PCDHGA5: variants seen among roughly 807,000 people sequenced by gnomAD.
PCDHGA5 encodes protocadherin gamma-A5.
PCDHGA5 carries 36 observed loss-of-function variants against 56.7 expected under a neutral mutation model. That is an observed-to-expected ratio of 0.64 (90% confidence interval 0.49 to 0.84). The LOEUF is 0.84. Ranked by LOEUF, PCDHGA5 falls within the 40% of genes least tolerant of loss-of-function variation. The probability of loss-of-function intolerance (pLI) is 0.00; values close to 1 mark genes in which losing one functional copy is unlikely to be tolerated. For missense variants in PCDHGA5, 1,305 were observed against 1,201.5 expected (o/e 1.09, Z -1.27); for synonymous variants, 563 against 520.2 (o/e 1.08, Z -1.12).
chr5:141,481,502 T>G (rs1425241526), intron 1 of PCDHGA5, among the ~76,000 whole-genome samples: 1 of 152,232 alleles, frequency 6.6e-6, no homozygotes, highest in Non-Finnish European at 1.5e-5. Context: ...TTGCATGGTA[T>G]GTGAATTATG....
intron 1 of PCDHGA5, chr5:141,393,601 C>T (rs1392489335): frequency 8.1e-6 from 13 of 1,613,812 alleles, no homozygotes; most frequent in Non-Finnish European, 1.1e-5. Flanking sequence ...CGGCTGCTTA[C>T]TGTAACAGCC....
rs201378410 is a variant in PCDHGA5, at chr5:141,414,802, G to T, written c.2421+48051G>T. Reference sequence around the variant, plus strand: ...GCAGGTGACAGCCAGCGACAGCGGGGATCCTCCACTCAGCAGCAACGTGTC... The same window carrying T: ...GCAGGTGACAGCCAGCGACAGCGGGTATCCTCCACTCAGCAGCAACGTGTC... On this transcript the variant is annotated intron_variant, in intron 1 of 3. Coordinates refer to ENST00000518069, the MANE Select transcript of PCDHGA5 (RefSeq NM_018918.3). The T allele has an allele frequency of 4.3e-6, 7 of 1,614,226 alleles. No homozygotes were observed. The African/African-American group carries it at 8.0e-5, about 18-fold the overall frequency.
intron 1 of PCDHGA5, chr5:141,427,815 G>A: frequency 6.5e-7 from 1 of 1,527,760 alleles, no homozygotes; most frequent in Non-Finnish European, 9.0e-7. Context: ...ACAGAGCGGG[G>A]TGGTGGTCGC....
intron 2 of PCDHGA5, among the ~76,000 whole-genome samples, chr5:141,495,407 C>T: frequency 6.6e-6 from 1 of 152,218 alleles, no homozygotes; most frequent in East Asian, 1.9e-4. Flanking sequence ...AGGCCCCCTT[C>T]TCCGGCCCCT....
intron 1 of PCDHGA5, chr5:141,427,507 T>A: frequency 1.7e-6 from 1 of 584,928 alleles, no homozygotes; most frequent in Non-Finnish European, 3.2e-6. Context: ...GATGGGACCC[T>A]GGATTGGGAG....
At chr5:141,372,234 C>A in intron 1 of PCDHGA5, 1 of 1,613,350 alleles carries the variant, frequency 6.2e-7, no homozygotes. Context: ...GGCCAGCGAG[C>A]CCGGGCTGTT....
intron 1 of PCDHGA5, chr5:141,388,833 T>G (rs761698912): frequency 6.2e-7 from 1 of 1,613,838 alleles, no homozygotes; most frequent in Non-Finnish European, 8.5e-7. Context: ...TTCCATAGTT[T>G]TGGAAGCAAG....
chr5:141,420,496 G>T, intron 1 of PCDHGA5: 1 of 495,924 alleles, frequency 2.0e-6, no homozygotes, highest in Non-Finnish European at 3.1e-6. Context: ...GTAATCTCCG[G>T]TGACATTTTT....
chr5:141,472,307 C>T (rs949288194), intron 1 of PCDHGA5, among the ~76,000 whole-genome samples: 2 of 150,368 alleles, frequency 1.3e-5, no homozygotes, highest in Admixed American at 6.6e-5. Flanking sequence ...TTTGGGAAGC[C>T]GAGGCAGGCA....
chr5:141,399,750 C>A, intron 1 of PCDHGA5: 1 of 1,613,330 alleles, frequency 6.2e-7, no homozygotes, highest in Non-Finnish European at 8.5e-7. Flanking sequence ...TCAGCGCAAA[C>A]GTGAGCCTGC....
At chr5:141,413,844 C>A in intron 1 of PCDHGA5, 2 of 1,613,254 alleles carry the variant, frequency 1.2e-6, no homozygotes, top group Non-Finnish European at 1.7e-6. Context: ...ACGGGGGTGA[C>A]CCTCTCCGAT....
intron 1 of PCDHGA5, chr5:141,374,981 G>A (rs761282613): frequency 6.2e-7 from 1 of 1,614,036 alleles, no homozygotes; most frequent in Non-Finnish European, 8.5e-7. Context: ...TTTGACTGGA[G>A]AAATTTCAAC....
At chr5:141,421,370 A>G (rs765775416) in intron 1 of PCDHGA5, 4 of 1,613,916 alleles carry the variant, frequency 2.5e-6, no homozygotes, top group African/African-American at 1.3e-5. Flanking sequence ...TTCGTGGGCA[A>G]TATCTCCAAG....
At chr5:141,472,980 CAAA>C (rs60579131) in intron 1 of PCDHGA5, among the ~76,000 whole-genome samples, 10 of 86,092 alleles carry the variant, frequency 1.2e-4, no homozygotes, top group Non-Finnish European at 1.2e-4. Context: ...GAGTGAAACT[CAAA>C]AAAAAAAAAA....
intron 1 of PCDHGA5, among the ~76,000 whole-genome samples, chr5:141,439,270 A>G (rs1381185021): frequency 6.6e-6 from 1 of 152,140 alleles, no homozygotes; most frequent in African/African-American, 2.4e-5. Flanking sequence ...CCAACAGTTC[A>G]TTCTGAGACT....
At position 141,512,348 on chromosome 5, in the gene PCDHGA5, G is replaced by C. The variant is rs1172891268; in HGVS notation, c.*1175G>C. 4 of 152,886 alleles carry C rather than the reference G, an allele frequency of 2.6e-5. No homozygotes were observed. The highest frequency in any genetic ancestry group is 9.6e-5 in the African/African-American group (4 of 41,462). The allele number at this position is 152,886 out of a possible 1,614,324, so 9.5% of individuals were successfully genotyped here. A position where few individuals can be genotyped will look rare whatever the true frequency, so the allele number is the denominator to read the frequency against. ...GGCCATTCTTAGTCCCTGGGTTGGG[G>C]AGGCAGGGAGCTAGGGCAGGGACCA... On this transcript the variant is annotated 3_prime_UTR_variant, in exon 4 of 4. Transcript: ENST00000518069.
intron 1 of PCDHGA5, among the ~76,000 whole-genome samples, chr5:141,435,590 A>G (rs1005651004): frequency 3.3e-5 from 5 of 152,210 alleles, no homozygotes; most frequent in African/African-American, 7.2e-5. Context: ...TTGCAGTAAT[A>G]TCGCCTGCTT....
intron 2 of PCDHGA5, among the ~76,000 whole-genome samples, chr5:141,503,994 A>C (rs1330628079): frequency 6.6e-6 from 1 of 152,158 alleles, no homozygotes; most frequent in Non-Finnish European, 1.5e-5. Context: ...CTTACCTTAC[A>C]GTCACTTAAC....
chr5:141,504,496 G>C (rs2099838771), intron 2 of PCDHGA5, among the ~76,000 whole-genome samples: 1 of 152,100 alleles, frequency 6.6e-6, no homozygotes, highest in Non-Finnish European at 1.5e-5. Flanking sequence ...CACCTGCCCA[G>C]TCTGAGTGGA....
Sources: gnomAD v4.1 joint callset for allele counts (sites outside exome capture counted in the v4.1 genomes callset) on GRCh38, gnomAD v4.1.1 for gene constraint, MANE v1.5 for transcripts, NCBI Gene and HGNC (gene_info 2026-07-23, HGNC 2026-07-21) for gene names.